The following SLC24A2 variants were observed in gnomAD, a reference collection of about 807,000 sequenced individuals.
SLC24A2 encodes the protein solute carrier family 24 member 2.
Under a neutral mutation model 62.0 loss-of-function variants are expected in SLC24A2, and 36 were observed. The ratio of observed to expected loss-of-function variants is 0.58; its 90% confidence interval spans 0.44 to 0.77. The LOEUF (loss-of-function observed/expected upper bound fraction) is 0.77, where lower values mean the gene tolerates loss of function less well. Among genes scored for constraint, SLC24A2 ranks in the 30% least tolerant of loss-of-function variants. SLC24A2 has a pLI of 0.00. For missense variants in SLC24A2, 846 were observed against 817.9 expected (o/e 1.03, Z -0.42); for synonymous variants, 358 against 294.0 (o/e 1.22, Z -2.23).
chr9:20,082,734 A>T, the SLC24A2 span, among the ~76,000 whole-genome samples: 1 of 152,340 alleles, frequency 6.6e-6, no homozygotes, highest in African/African-American at 2.4e-5. Flanking sequence ...ATGGTGGGGG[A>T]GCAAGAGAGG....
the SLC24A2 span, among the ~76,000 whole-genome samples, chr9:19,844,423 G>T: frequency 6.6e-6 from 1 of 152,046 alleles, no homozygotes; most frequent in Admixed American, 6.6e-5. Flanking sequence ...TTAAACCTTT[G>T]TCAGATGCAT....
chr9:20,089,282 G>C, the SLC24A2 span, among the ~76,000 whole-genome samples: 2 of 152,014 alleles, frequency 1.3e-5, no homozygotes, highest in East Asian at 3.9e-4. Context: ...TCCCGGTCCC[G>C]GTCCACACTT....
At chr9:20,115,223 G>A in the SLC24A2 span, among the ~76,000 whole-genome samples, 4 of 152,118 alleles carry the variant, frequency 2.6e-5, no homozygotes, top group Non-Finnish European at 4.4e-5. Flanking sequence ...AAGTGTCTCA[G>A]GTAATGTCCC....
chr9:20,229,585 T>C, the SLC24A2 span, among the ~76,000 whole-genome samples: 1 of 152,062 alleles, frequency 6.6e-6, no homozygotes, highest in Non-Finnish European at 1.5e-5. Flanking sequence ...CATTACTCAG[T>C]CCATACATTT....
the SLC24A2 span, among the ~76,000 whole-genome samples, chr9:19,885,579 A>T: frequency 6.6e-6 from 1 of 152,264 alleles, no homozygotes; most frequent in South Asian, 2.1e-4. Context: ...TAAGCACTTA[A>T]TTATGATTGA....
At chr9:19,970,864 G>A in the SLC24A2 span, among the ~76,000 whole-genome samples, 2 of 152,152 alleles carry the variant, frequency 1.3e-5, no homozygotes, top group Non-Finnish European at 2.9e-5. Context: ...TGACTTGGAA[G>A]TATGAATCAA....
rs530431400 is a variant in SLC24A2 at position 19,509,149 on chromosome 9, G to C, written c.*7004C>G. The C allele has an allele frequency of 6.6e-6, 1 of 152,126 alleles. No homozygotes were observed. The highest frequency in any genetic ancestry group is 1.9e-4 in the East Asian group (1 of 5,178). The allele number at this position is 152,126 out of a possible 1,614,324, so 9.4% of individuals were successfully genotyped here. On this transcript the variant is annotated 3_prime_UTR_variant, in exon 11 of 11. Coordinates refer to ENST00000341998, the MANE Select transcript of SLC24A2 (RefSeq NM_020344.4). ...TAATTATCTATTTCATTTTCCATAT[G>C]GGTGAACTTTGCTTTATATAACAAA... is the stretch of plus-strand genomic sequence containing the variant.
chr9:19,881,659 T>C, the SLC24A2 span, among the ~76,000 whole-genome samples: 1 of 152,350 alleles, frequency 6.6e-6, no homozygotes, highest in East Asian at 1.9e-4. Context: ...TTTAGTGGAA[T>C]GTTAGGCAAC....
chr9:19,712,566 C>A (rs567020023), intron 2 of SLC24A2, among the ~76,000 whole-genome samples: 1 of 152,252 alleles, frequency 6.6e-6, no homozygotes, highest in Admixed American at 6.5e-5. Context: ...AGGAGTCTTG[C>A]CTGTTACCCT....
At chr9:19,645,149 A>C (rs563012615) in intron 2 of SLC24A2, among the ~76,000 whole-genome samples, 238 of 152,320 alleles carry the variant, frequency 1.6e-3, no homozygotes, top group African/African-American at 5.5e-3. Context: ...CAGAGGGGCA[A>C]GTTACTAAGG....
At chr9:20,242,349 C>G in the SLC24A2 span, among the ~76,000 whole-genome samples, 4 of 152,334 alleles carry the variant, frequency 2.6e-5, no homozygotes, top group South Asian at 8.3e-4. Context: ...ACTTCCTACT[C>G]GATGCATTAC....
At chr9:19,787,633 G>A (rs570989184) in intron 1 of SLC24A2, among the ~76,000 whole-genome samples, 1 of 152,100 alleles carries the variant, frequency 6.6e-6, no homozygotes, top group South Asian at 2.1e-4. Context: ...ATGCGGGAAA[G>A]TAGTCCTTTA....
chr9:19,963,549 G>A, the SLC24A2 span, among the ~76,000 whole-genome samples: 1 of 152,192 alleles, frequency 6.6e-6, no homozygotes, highest in African/African-American at 2.4e-5. Context: ...CCATCAACAA[G>A]TGGGTGAAGG....
chr9:20,010,096 C>T, the SLC24A2 span, among the ~76,000 whole-genome samples: 1 of 152,180 alleles, frequency 6.6e-6, no homozygotes, highest in African/African-American at 2.4e-5. Context: ...CCAGTGGTCT[C>T]GCTGAATCAC....
At position 19,690,194 on chromosome 9, in the gene SLC24A2, C is replaced by T. The variant is rs190743568; in HGVS notation, c.931-67895G>A. Among the ~76,000 whole-genome samples, 11 of 152,212 alleles carry T rather than the reference C, an allele frequency of 7.2e-5. No homozygotes were observed. In the East Asian group the frequency reaches 1.7e-3, roughly 24 times the overall value. ...GTAGCTTTATACAAACACACACACA[C>T]GCGCATGCATACACACACACACTTC... On this transcript the variant is annotated intron_variant, in intron 2 of 10. Coordinates refer to ENST00000341998, the MANE Select transcript of SLC24A2 (RefSeq NM_020344.4).
chr9:20,279,381 A>C, the SLC24A2 span, among the ~76,000 whole-genome samples: 1 of 152,188 alleles, frequency 6.6e-6, no homozygotes, highest in Non-Finnish European at 1.5e-5. Context: ...AAACACAAAA[A>C]TTAGCTGGGC....
chr9:19,721,661 T>C (rs1821028230), intron 2 of SLC24A2, among the ~76,000 whole-genome samples: 1 of 152,178 alleles, frequency 6.6e-6, no homozygotes, highest in African/African-American at 2.4e-5. Flanking sequence ...CTCCATCATT[T>C]CAGATGCTTT....
the SLC24A2 span, among the ~76,000 whole-genome samples, chr9:19,955,817 T>G: frequency 1.3e-5 from 2 of 152,196 alleles, no homozygotes; most frequent in African/African-American, 4.8e-5. Context: ...ACCTCAAGAC[T>G]ATAACTATAG....
chr9:19,722,151 TTTAA>T (rs1821044509), intron 2 of SLC24A2, among the ~76,000 whole-genome samples: 1 of 152,100 alleles, frequency 6.6e-6, no homozygotes. Context: ...GAGAAGAGTA[TTTAA>T]GTAGTTCTAT....
Sources: allele counts gnomAD v4.1 joint callset (sites outside exome capture counted in the v4.1 genomes callset), GRCh38; gene constraint gnomAD v4.1.1; transcripts MANE v1.5; gene names NCBI Gene and HGNC (gene_info 2026-07-23, HGNC 2026-07-21).